Variants in MAML3 observed in about 807,000 individuals in gnomAD.
MAML3 encodes the protein mastermind like transcriptional coactivator 3, also known as mastermind-like protein 3.
A neutral mutation model predicts 101.9 loss-of-function variants in MAML3; 27 were observed. The ratio of observed to expected loss-of-function variants is 0.27; its 90% CI spans 0.20 to 0.37. The LOEUF is 0.37. MAML3 is among the 10% of genes least tolerant of loss of function. MAML3 has a pLI of 1.00. For missense variants in MAML3, 1,316 were observed against 1,444.9 expected, an observed-to-expected ratio of 0.91 and a Z score of 1.45; for synonymous variants, 501 against 555.9, an observed-to-expected ratio of 0.90 and a Z score of 1.39.
In MAML3 at chr4:140,153,278, C is replaced by T. The variant is rs867072748; in HGVS notation, c.50G>A (p.Cys17Tyr). 6.2e-7 allele frequency: 1 copy of T among 1,608,838 alleles called. No individual in the cohort carries two copies. The highest frequency in any genetic ancestry group is 1.3e-5 in the African/African-American group (1 of 74,834). The change falls in exon 1 of 5, where the codon TGC (cysteine) becomes TAC (tyrosine). Residue 17 changes from cysteine to tyrosine, a missense_variant. By Grantham distance (194) the Cys-to-Tyr change is radical. Transcript: ENST00000509479. ...PAAAANGSSI[C>Y]INSSLNSSLG... ...GCTGCTGTTCAGGCTACTGTTGATG[C>T]AAATACTACTGCCATTCGCGGCAGC...
chr4:140,124,722 G>A (rs762697479), intron 1 of MAML3, among the ~76,000 whole-genome samples: 1 of 152,196 alleles, frequency 6.6e-6, no homozygotes, highest in Non-Finnish European at 1.5e-5. Flanking sequence ...TTAGTCTTAA[G>A]TTGGCCCTCC....
At chr4:140,030,746 C>A (rs938723237) in intron 1 of MAML3, among the ~76,000 whole-genome samples, 2 of 152,214 alleles carry the variant, frequency 1.3e-5, no homozygotes, top group African/African-American at 4.8e-5. Flanking sequence ...CAACTAAGTG[C>A]TCCAGGGGTA....
At chr4:140,094,108 C>T (rs1371593280) in intron 1 of MAML3, among the ~76,000 whole-genome samples, 2 of 152,188 alleles carry the variant, frequency 1.3e-5, no homozygotes, top group African/African-American at 4.8e-5. Flanking sequence ...GATGACGTAA[C>T]AGGTCCCTTC....
chr4:139,719,369 C>T lies in MAML3; in HGVS notation c.3371G>A (p.Gly1124Glu). 6.2e-7 allele frequency: 1 copy of T among 1,610,536 alleles called. No individual in the cohort carries two copies. The highest frequency in any genetic ancestry group is 8.5e-7 in the Non-Finnish European group (1 of 1,177,644). Residue 1124 changes from glycine (G) to glutamate (E), a missense_variant, in exon 5 of 5, where the codon GGG (glycine) becomes GAG (glutamate). Physicochemically the swap from Gly to Glu is moderately conservative, Grantham distance 98 (BLOSUM62 -2). Coordinates refer to ENST00000509479, the MANE Select transcript of MAML3 (RefSeq NM_018717.5). ...LVDSIIKGGP[G>E]DEWMQELDEL... ...ATCAAGCTCCTGCATCCACTCGTCC[C>T]CTGGCCCGCCTTTGATGATGGAGTC...
At chr4:139,915,855 C>T (rs548807907) in intron 1 of MAML3, among the ~76,000 whole-genome samples, 2 of 152,170 alleles carry the variant, frequency 1.3e-5, no homozygotes, top group African/African-American at 4.8e-5. Flanking sequence ...CTCTGGAATC[C>T]GGGTCCAAGC....
At chr4:140,095,767 A>C (rs891013578) in intron 1 of MAML3, among the ~76,000 whole-genome samples, 127 of 149,844 alleles carry the variant, frequency 8.5e-4, no homozygotes, top group African/African-American at 2.5e-3. Context: ...ACTGGTTCCT[A>C]CCCCGCCACA....
intron 1 of MAML3, among the ~76,000 whole-genome samples, chr4:139,907,257 C>T (rs927819796): frequency 4.6e-5 from 7 of 152,220 alleles, no homozygotes; most frequent in African/African-American, 1.4e-4. Flanking sequence ...CTTAACCTTT[C>T]CAGACCTCTG....
rs1728178729 is a variant in MAML3 at position 139,720,218 on chromosome 4, G to A, written c.2522C>T (p.Ser841Phe). ...QNAGMMGIGP[S>F]QNPGTMATAA... Reference sequence around the variant, plus strand: ...GGTGGCCATCGTCCCAGGGTTCTGGGAGGGTCCTATTCCCATCATGCCTGC... The same window carrying A: ...GGTGGCCATCGTCCCAGGGTTCTGGAAGGGTCCTATTCCCATCATGCCTGC... The change falls in exon 5 of 5, where the codon TCC becomes TTC. Residue 841 changes from serine to phenylalanine, a missense_variant. Ser to Phe is a radical substitution (Grantham distance 155). Coordinates refer to ENST00000509479, the MANE Select transcript of MAML3 (RefSeq NM_018717.5). 7 of 1,613,604 alleles carry A rather than the reference G, an allele frequency of 4.3e-6. No individual in the cohort carries two copies. Among genetic ancestry groups the A allele is most frequent in the Non-Finnish European group, 5.9e-6 (7 of 1,179,632 alleles).
chr4:139,827,601 A>G (rs998206371), intron 2 of MAML3, among the ~76,000 whole-genome samples: 1 of 152,250 alleles, frequency 6.6e-6, no homozygotes, highest in Non-Finnish European at 1.5e-5. Context: ...TTCCAATCCA[A>G]TATCTTTGTT....
intron 2 of MAML3, among the ~76,000 whole-genome samples, chr4:139,804,303 A>G (rs892263623): frequency 2.7e-5 from 4 of 150,416 alleles, no homozygotes; most frequent in African/African-American, 9.8e-5. Context: ...TTTTGCTCTC[A>G]TCACCCAGGC....
At chr4:140,132,640 G>A (rs1006933590) in intron 1 of MAML3, among the ~76,000 whole-genome samples, 19 of 152,360 alleles carry the variant, frequency 1.2e-4, no homozygotes, top group Non-Finnish European at 2.4e-4. Flanking sequence ...AGAAGGCAAC[G>A]TCTGCAAGCA....
At chr4:140,135,842 A>G (rs1322172782) in intron 1 of MAML3, among the ~76,000 whole-genome samples, 1 of 152,150 alleles carries the variant, frequency 6.6e-6, no homozygotes, top group African/African-American at 2.4e-5. Flanking sequence ...TCACTGTTTT[A>G]TTACTTTTCT....
chr4:140,128,354 T>C (rs533697612), intron 1 of MAML3, among the ~76,000 whole-genome samples: 13 of 152,286 alleles, frequency 8.5e-5, no homozygotes, highest in African/African-American at 3.1e-4. Flanking sequence ...AGAAGAACCA[T>C]GTGCTGAGGA....
At chr4:140,018,615 A>G (rs1036717652) in intron 1 of MAML3, among the ~76,000 whole-genome samples, 1 of 152,162 alleles carries the variant, frequency 6.6e-6, no homozygotes, top group African/African-American at 2.4e-5. Context: ...TTTTCCATTC[A>G]TTCATTAATT....
chr4:139,885,570 T>C (rs1732311980), intron 2 of MAML3, among the ~76,000 whole-genome samples: 1 of 151,628 alleles, frequency 6.6e-6, no homozygotes, highest in African/African-American at 2.4e-5. Flanking sequence ...AGAAGAAAAT[T>C]AGAGACAATC....
intron 1 of MAML3, among the ~76,000 whole-genome samples, chr4:140,150,093 C>T (rs1729133203): frequency 6.6e-6 from 1 of 152,084 alleles, no homozygotes. Context: ...GTACACAGCC[C>T]TGGCATTTAT....
intron 2 of MAML3, among the ~76,000 whole-genome samples, chr4:139,778,974 C>A (rs1730146026): frequency 7.2e-6 from 1 of 138,628 alleles, no homozygotes; most frequent in South Asian, 2.3e-4. Flanking sequence ...CAGAGCGAGA[C>A]TCCACCTCAA....
chr4:140,040,527 C>T (rs1479211958), intron 1 of MAML3, among the ~76,000 whole-genome samples: 3 of 152,196 alleles, frequency 2.0e-5, no homozygotes, highest in Non-Finnish European at 2.9e-5. Flanking sequence ...CTGTCCATCC[C>T]TCCTTCCTCT....
chr4:139,760,528 C>T (rs1414135362), intron 2 of MAML3, among the ~76,000 whole-genome samples: 1 of 152,308 alleles, frequency 6.6e-6, no homozygotes, highest in Non-Finnish European at 1.5e-5. Flanking sequence ...GGGCACAGGA[C>T]ACGCTCAATA....
Sources: allele counts gnomAD v4.1 joint callset (sites outside exome capture counted in the v4.1 genomes callset), GRCh38; gene constraint gnomAD v4.1.1; transcripts MANE v1.5; gene names NCBI Gene and HGNC (gene_info 2026-07-23, HGNC 2026-07-21).